The following PLSCR1 variants were observed in gnomAD, a reference collection of about 807,000 sequenced individuals.
PLSCR1 encodes phospholipid scramblase 1.
PLSCR1 carries 17 observed loss-of-function variants against 37.8 expected under a neutral mutation model. The observed-to-expected ratio is 0.45, with a 90% CI of 0.31 to 0.68. The LOEUF (loss-of-function observed/expected upper bound fraction) is 0.68, where lower values mean the gene tolerates loss of function less well. Among genes scored for constraint, PLSCR1 ranks in the 30% least tolerant of loss-of-function variants. The probability of loss-of-function intolerance (pLI) is 0.06; values close to 1 mark genes in which losing one functional copy is unlikely to be tolerated. For synonymous variants in PLSCR1, 116 were observed against 125.9 expected, an observed-to-expected ratio of 0.92 and a Z score of 0.53; for missense variants, 347 against 380.9, an observed-to-expected ratio of 0.91 and a Z score of 0.74.
chr3:146,535,827 A>G (rs537583234), intron 2 of PLSCR1, among the ~76,000 whole-genome samples: 13 of 152,296 alleles, frequency 8.5e-5, no homozygotes, highest in African/African-American at 3.1e-4. Context: ...AGATTATTTC[A>G]TATATCTAAT....
At position 146,517,139 on chromosome 3, in the gene PLSCR1, A is replaced by G. The variant is rs1253224914; in HGVS notation, c.767T>C (p.Val256Ala). Residue 256 changes from valine (V) to alanine (A), a missense_variant, in exon 8 of 9, where the codon GTT becomes GCT. By Grantham distance (64) the Val-to-Ala change is moderately conservative (BLOSUM62 0). Coordinates refer to ENST00000342435, the MANE Select transcript of PLSCR1 (RefSeq NM_021105.3). ...AGTCCAGTGCTTGGAAATTTTGCCA[A>G]CCACACACTGTTCATCAAGAGATTT... ...EIKSLDEQCV[V>A]GKISKHWTGI... 4 of 1,572,984 alleles carry G rather than the reference A, an allele frequency of 2.5e-6. No homozygotes were observed. Among genetic ancestry groups the G allele is most frequent in the South Asian group, 1.2e-5 (1 of 83,638 alleles).
chr3:146,540,796 CTG>C (rs1340310853), intron 1 of PLSCR1: 1 of 152,066 alleles, frequency 6.6e-6, no homozygotes, highest in African/African-American at 2.4e-5. Context: ...CTCCGAATAA[CTG>C]AGAATAAGAT....
At chr3:146,544,267 C>A (rs2044375693) in intron 1 of PLSCR1, among the ~76,000 whole-genome samples, 200 bp downstream of exon 1, 1 of 152,226 alleles carries the variant, frequency 6.6e-6, no homozygotes, top group South Asian at 2.1e-4. Context: ...GGGTCCCTTT[C>A]AGAGGCCTCT....
intron 7 of PLSCR1, among the ~76,000 whole-genome samples, chr3:146,518,012 T>C (rs6795715): frequency 0.013 from 1,970 of 152,342 alleles, 50 homozygotes; most frequent in African/African-American, 0.044. Context: ...TGACTCATTT[T>C]ATTTGAGTAC....
At chr3:146,516,188 G>A in intron 8 of PLSCR1, 87 bp from the exon 9 acceptor site, 2 of 730,542 alleles carry the variant, frequency 2.7e-6, no homozygotes, top group East Asian at 2.7e-5. Context: ...GGGATCTAGT[G>A]AAACACAGTA....
In PLSCR1 at chr3:146,537,133, T is replaced by TA. The variant is rs1242976996; in HGVS notation, c.-13-569dup. Among the ~76,000 whole-genome samples the TA allele has an allele frequency of 2.9e-3, 430 of 149,536 alleles. 3 individuals carry two copies. The highest frequency in any genetic ancestry group is 0.01 in the African/African-American group (415 of 40,564). ...GCATTCAGAGATTTTTTTTTTTTTT[T>TA]AACCAGAAAACCCACTCTCAGGAGT... On this transcript the variant is annotated intron_variant, in intron 1 of 8. Transcript: ENST00000342435.
At chr3:146,536,618 T>A (rs938198037) in intron 1 of PLSCR1, 53 bp from the exon 2 acceptor site, 1 of 1,046,394 alleles carries the variant, frequency 9.6e-7, no homozygotes, top group Non-Finnish European at 1.5e-6. Flanking sequence ...ACAAGTCAAA[T>A]ATAACAGTTG....
chr3:146,519,914 CCA>C (rs929126901), intron 7 of PLSCR1, among the ~76,000 whole-genome samples: 1 of 152,052 alleles, frequency 6.6e-6, no homozygotes, highest in African/African-American at 2.4e-5. Flanking sequence ...TGAATTAGTT[CCA>C]CATAGTACAC....
intron 3 of PLSCR1, among the ~76,000 whole-genome samples, chr3:146,530,583 G>T (rs1244891954): frequency 1.3e-5 from 2 of 152,288 alleles, no homozygotes; most frequent in Non-Finnish European, 1.5e-5. Context: ...TTATATCAAG[G>T]TCTAAAAGAT....
chr3:146,525,253 T>C lies in PLSCR1; in HGVS notation c.355+352A>G, dbSNP rs549020284. 7.9e-5 allele frequency among the ~76,000 whole-genome samples: 12 copies of C among 152,356 alleles called. 1 individual carries two copies. In the South Asian group the frequency reaches 2.3e-3, roughly 29 times the overall value. ...ATCCAAATAAAAAAGATAACTTACTTTGGAATGTGGCTCTGTGCCATTCTT... is the reference window on the plus strand; with the variant it reads ...ATCCAAATAAAAAAGATAACTTACTCTGGAATGTGGCTCTGTGCCATTCTT... On this transcript the variant is annotated intron_variant, in intron 5 of 8. Coordinates refer to ENST00000342435, the MANE Select transcript of PLSCR1 (RefSeq NM_021105.3).
intron 4 of PLSCR1, among the ~76,000 whole-genome samples, chr3:146,527,385 G>A (rs1305583081): frequency 1.3e-5 from 2 of 152,148 alleles, no homozygotes; most frequent in Non-Finnish European, 2.9e-5. Flanking sequence ...TGACAGATAT[G>A]CTAATTATCC....
intron 1 of PLSCR1, among the ~76,000 whole-genome samples, chr3:146,538,362 A>G (rs190518451): frequency 7.9e-4 from 120 of 152,324 alleles, no homozygotes; most frequent in African/African-American, 2.7e-3. Flanking sequence ...ATCAAAGACT[A>G]TACTTTAAAA....
At chr3:146,524,535 T>A (rs1371293318) in intron 5 of PLSCR1, among the ~76,000 whole-genome samples, 3 of 151,984 alleles carry the variant, frequency 2.0e-5, no homozygotes, top group African/African-American at 7.2e-5. Context: ...ATTTAACAAA[T>A]ATTTATAAAG....
At chr3:146,533,646 T>G (rs2587024) in intron 2 of PLSCR1, 96 bp from the exon 3 acceptor site, 175,099 of 666,422 alleles carry the variant, frequency 0.26, 23,880 homozygotes, top group African/African-American at 0.33. Context: ...AACTTGTATG[T>G]TCTTATGCTG....
intron 6 of PLSCR1, 28 bp from the exon 7 acceptor site, chr3:146,521,733 T>C (rs769117067): frequency 3.1e-6 from 5 of 1,595,830 alleles, no homozygotes; most frequent in African/African-American, 1.3e-5. Context: ...TATATGTAAA[T>C]GTAATAATCA....
At chr3:146,522,154 C>A (rs2044032164) in intron 5 of PLSCR1, 101 bp from the exon 6 acceptor site, 1 of 732,312 alleles carries the variant, frequency 1.4e-6, no homozygotes, top group East Asian at 2.7e-5. Context: ...TGATGATACC[C>A]CAAGTGGCAT....
chr3:146,543,081 G>C (rs974703033), intron 1 of PLSCR1, among the ~76,000 whole-genome samples: 1 of 152,084 alleles, frequency 6.6e-6, no homozygotes, highest in African/African-American at 2.4e-5. Context: ...TGGTGGGTGG[G>C]GTGTTGGAGG....
At chr3:146,528,139 G>A (rs2044144603) in intron 4 of PLSCR1, 1 of 152,386 alleles carries the variant, frequency 6.6e-6, no homozygotes, top group African/African-American at 2.4e-5. Context: ...CAAATTATAA[G>A]GCAATTATTC....
At chr3:146,520,193 A>G (rs2044000048) in intron 7 of PLSCR1, 1 of 152,146 alleles carries the variant, frequency 6.6e-6, no homozygotes, top group Non-Finnish European at 1.5e-5. Flanking sequence ...AGATAAATAG[A>G]AGAAAAGTTA....
Sources: gnomAD v4.1 joint callset for allele counts (sites outside exome capture counted in the v4.1 genomes callset) on GRCh38, gnomAD v4.1.1 for gene constraint, MANE v1.5 for transcripts, NCBI Gene and HGNC (gene_info 2026-07-23, HGNC 2026-07-21) for gene names.